The following SCAF1 variants were observed in gnomAD, a reference collection of about 807,000 sequenced individuals.
The protein encoded by SCAF1 is SR-related CTD associated factor 1.
SCAF1 carries 28 observed loss-of-function variants against 91.2 expected under a neutral mutation model. The observed-to-expected ratio is 0.31, with a 90% CI of 0.23 to 0.42. The LOEUF (loss-of-function observed/expected upper bound fraction) is 0.42, where lower values mean the gene tolerates loss of function less well. SCAF1 is among the 10% of genes least tolerant of loss of function. SCAF1 has a pLI of 1.00. For missense variants in SCAF1, 1,893 were observed against 1,872.1 expected, an observed-to-expected ratio of 1.01 and a Z score of -0.21; for synonymous variants, 1,036 against 833.7, an observed-to-expected ratio of 1.24 and a Z score of -4.18.
Position 49,646,283 on chromosome 19 carries a change from G to T in SCAF1, c.261+81G>T. 2 of 1,209,916 alleles carry T rather than the reference G, an allele frequency of 1.7e-6. No individual in the cohort carries two copies. The highest frequency in any genetic ancestry group is 2.3e-6 in the Non-Finnish European group (2 of 862,628). The allele number at this position is 1,209,916 out of a possible 1,614,324, so 74.9% of individuals were successfully genotyped here. On this transcript the variant is annotated intron_variant, in intron 4 of 10. Transcript: ENST00000360565. This position sits in a 1 kb window ranked among gnomAD's most constrained non-coding sequence, Gnocchi z 5.6. ...TGGGGGCCTGAGTCTGGGGGAATGG[G>T]GTTTGGGGACCTGGACTCCTGGCTC...
chr19:49,646,438 G>A lies in SCAF1; in HGVS notation c.262-88G>A. 1 of 1,184,944 alleles carries A rather than the reference G, an allele frequency of 8.4e-7. No individual in the cohort carries two copies. The highest frequency in any genetic ancestry group is 1.7e-5 in the Admixed American group (1 of 57,244). The allele number at this position is 1,184,944 out of a possible 1,614,324, so 73.4% of individuals were successfully genotyped here. ...TTTCTTGGGGATCTTAGATGTCTGGGTTCCTGAGAGGTTAGGGAGTGGGGA... is the reference window on the plus strand; with the variant it reads ...TTTCTTGGGGATCTTAGATGTCTGGATTCCTGAGAGGTTAGGGAGTGGGGA... On this transcript the variant is annotated intron_variant, in intron 4 of 10. Coordinates refer to ENST00000360565, the MANE Select transcript of SCAF1 (RefSeq NM_021228.3). This position sits in a 1 kb window ranked among gnomAD's most constrained non-coding sequence, Gnocchi z 5.6.
chr19:49,642,523 C>A lies in SCAF1; in HGVS notation c.-7+281C>A. The A allele has an allele frequency of 6.6e-6, 1 of 152,386 alleles. No individual in the cohort carries two copies. Among genetic ancestry groups the A allele is most frequent in the East Asian group, 1.9e-4 (1 of 5,176 alleles). The allele number at this position is 152,386 out of a possible 1,614,324, so 9.4% of individuals were successfully genotyped here. On this transcript the variant is annotated intron_variant, in intron 1 of 10. Coordinates refer to ENST00000360565, the MANE Select transcript of SCAF1 (RefSeq NM_021228.3). The surrounding 1 kb of genome is among the most constrained non-coding windows in gnomAD (Gnocchi z 4.0). ...GCCTAGACCGAGCCTAAGGCCTGCC[C>A]TCCATCACACAGCTGGCCTGGATCG...
In SCAF1 at chr19:49,652,470, C is replaced by T. The variant is rs1459046817; in HGVS notation, c.2081C>T (p.Thr694Met). 1.3e-6 allele frequency: 2 copies of T among 1,598,534 alleles called. No homozygotes were observed. Among genetic ancestry groups the T allele is most frequent in the Non-Finnish European group, 8.5e-7 (1 of 1,175,582 alleles). The stretch of plus-strand genomic sequence containing the variant: ...GTGCCACCCTCCATCCAGGACCTCA[C>T]GGACCACGACCTCTTCGCCATCAAG... ...GAVPPSIQDL[T>M]DHDLFAIKRT... Residue 694 changes from threonine to methionine, a missense_variant, in exon 7 of 11, where the codon ACG (threonine) becomes ATG (methionine). Physicochemically the swap from Thr to Met is moderately conservative, Grantham distance 81. Around this residue, in one of 5 missense-constraint regions of SCAF1, gnomAD observed 1,436 missense variants for 1,306.8 expected, o/e 1.10. Transcript: ENST00000360565.
Position 49,651,602 on chromosome 19 carries a change from C to A in SCAF1, c.1213C>A (p.Leu405Met). The A allele has an allele frequency of 6.6e-7, 1 of 1,523,640 alleles. No homozygotes were observed. The highest frequency in any genetic ancestry group is 8.8e-7 in the Non-Finnish European group (1 of 1,136,362). The allele number at this position is 1,523,640 out of a possible 1,614,324, so 94.4% of individuals were successfully genotyped here. ...CGTCCAGCCGGAGGAGGAGCCCAGGCTGGCGCTGTCCCTCTTCCGCCCCGG... is the reference window on the plus strand; with the variant it reads ...CGTCCAGCCGGAGGAGGAGCCCAGGATGGCGCTGTCCCTCTTCCGCCCCGG... ...EIVQPEEEPR[L>M]ALSLFRPGGR... The change falls in exon 7 of 11, where the codon CTG becomes ATG. Residue 405 changes from leucine (L) to methionine (M), a missense_variant. Physicochemically the swap from Leu to Met is conservative, Grantham distance 15. This residue lies in a region of SCAF1 where 1,436 missense variants were observed against 1,306.8 expected (regional missense o/e 1.10). Transcript: ENST00000360565.
chr19:49,640,507 T>C (rs534094946), upstream of SCAF1, among the ~76,000 whole-genome samples: 12 of 152,190 alleles, frequency 7.9e-5, no homozygotes, highest in African/African-American at 2.6e-4. Context: ...TGGGGCATCG[T>C]CTCCGAGGCC....
rs750562913 is a variant in SCAF1 at position 49,646,498 on chromosome 19, G to A, written c.262-28G>A. Reference sequence around the variant, plus strand: ...TGCCAGTCTTCATGTGACCAGGGACGGCGTAGAGCCTCTCTGGCCTCTTCC... The same window carrying A: ...TGCCAGTCTTCATGTGACCAGGGACAGCGTAGAGCCTCTCTGGCCTCTTCC... On this transcript the variant is annotated intron_variant, in intron 4 of 10. Transcript: ENST00000360565. The surrounding 1 kb of genome is among the most constrained non-coding windows in gnomAD (Gnocchi z 5.6). The A allele has an allele frequency of 6.3e-6, 10 of 1,594,626 alleles. No homozygotes were observed. The highest frequency in any genetic ancestry group is 1.7e-4 in the Middle Eastern group (1 of 6,042).
chr19:49,641,596 C>G (rs1245144505), upstream of SCAF1, among the ~76,000 whole-genome samples: 1 of 152,176 alleles, frequency 6.6e-6, no homozygotes, highest in Admixed American at 6.5e-5. Flanking sequence ...GGATTACAGA[C>G]GTGAGCCACC....
At position 49,653,116 on chromosome 19, in the gene SCAF1, G is replaced by T. The variant is rs1431933520; in HGVS notation, c.2727G>T (p.Lys909Asn). 1.9e-6 allele frequency: 3 copies of T among 1,611,824 alleles called. No homozygotes were observed. The Admixed American group carries it at 5.0e-5, about 27-fold the overall frequency. The part of the protein sequence containing the change: ...KTKVKAKAGA[K>N]KTKGTKGKTK... ...AGGTCAAGGCCAAGGCAGGGGCCAA[G>T]AAAACCAAGGGGACCAAGGGAAAGA... Residue 909 changes from lysine to asparagine, a missense_variant, in exon 7 of 11, where the codon AAG becomes AAT. Transcript: ENST00000360565.
intron 7 of SCAF1, 137 bp from the exon 8 acceptor site, chr19:49,654,212 C>G: frequency 1.4e-6 from 1 of 708,398 alleles, no homozygotes; most frequent in Non-Finnish European, 2.4e-6. Flanking sequence ...CCCCCTTTTC[C>G]CAGTTCTGAG....
chr19:49,651,223 A>G lies in SCAF1; in HGVS notation c.834A>G (p.Glu278=), dbSNP rs139116619. The G allele has an allele frequency of 9.3e-4, 1,500 of 1,612,828 alleles. 7 individuals are homozygous for G. In the African/African-American group the frequency reaches 0.017, roughly 18 times the overall value. The change falls in exon 7 of 11, where the codon GAA becomes GAG. Residue 278 remains glutamate, a synonymous_variant. Transcript: ENST00000360565. Reference sequence around the variant, plus strand: ...AAGAGGAGGAGGAAGAGGAAGAAGAAGAGGAAGAGGAAGACGAGGAGGAGG... The same window carrying G: ...AAGAGGAGGAGGAAGAGGAAGAAGAGGAGGAAGAGGAAGACGAGGAGGAGG... ...EEEEEEEEEE[E]EEEEDEEEEE...
chr19:49,654,206 C>T (rs1475420914), intron 7 of SCAF1, 143 bp from the exon 8 acceptor site: 7 of 687,558 alleles, frequency 1.0e-5, no homozygotes, highest in Non-Finnish European at 1.7e-5. Flanking sequence ...CCAAGGCCCC[C>T]TTTTCCCAGT....
upstream of SCAF1, among the ~76,000 whole-genome samples, chr19:49,641,593 A>G (rs913218035): frequency 1.3e-5 from 2 of 152,214 alleles, no homozygotes; most frequent in Non-Finnish European, 2.9e-5. Flanking sequence ...CTGGGATTAC[A>G]GACGTGAGCC....
chr19:49,652,329 C>A lies in SCAF1; in HGVS notation c.1940C>A (p.Ser647Ter). The A allele has an allele frequency of 1.3e-6, 2 of 1,535,054 alleles. No homozygotes were observed. Among genetic ancestry groups the A allele is most frequent in the Non-Finnish European group, 1.7e-6 (2 of 1,143,242 alleles). ...GGGSKKKKKR[S>*]RSRGEKRSGD... ...GGCAGCAAGAAGAAGAAGAAGCGGT[C>A]GCGGTCCCGGGGTGAGAAGCGGTCT... The change falls in exon 7 of 11, where the codon TCG (serine) becomes TAG (stop). Residue 647 changes from serine to a stop codon, truncating the protein, a stop_gained. Transcript: ENST00000360565. LOFTEE classifies it high-confidence loss of function.
Position 49,658,372 on chromosome 19 carries a change from C to T in SCAF1, c.3912C>T (p.Gly1304=). The T allele has an allele frequency of 6.5e-7, 1 of 1,550,194 alleles. No homozygotes were observed. The highest frequency in any genetic ancestry group is 8.7e-7 in the Non-Finnish European group (1 of 1,150,284). The change falls in exon 11 of 11, where the codon GGC becomes GGT. Residue 1304 remains glycine (G), a synonymous_variant. Transcript: ENST00000360565. The stretch of plus-strand genomic sequence containing the variant: ...AGCCAGGGCCCCCAGACAAGGGTGG[C>T]CCGGGCCTGCCCCTGCCCCCTCTCT... ...PKEPGPPDKG[G]PGLPLPPL is the part of the protein sequence containing the mutation.
In SCAF1 at chr19:49,649,594, C is replaced by T. The variant is rs548208378; in HGVS notation, c.479-1274C>T. ...CACTGCAACCTCTGCCTCCTGGTTTCGAGTGATTCTTCTGCCTCAGCCTCC... is the reference window on the plus strand; with the variant it reads ...CACTGCAACCTCTGCCTCCTGGTTTTGAGTGATTCTTCTGCCTCAGCCTCC... On this transcript the variant is annotated intron_variant, in intron 6 of 10. Coordinates refer to ENST00000360565, the MANE Select transcript of SCAF1 (RefSeq NM_021228.3). Among the ~76,000 whole-genome samples the T allele has an allele frequency of 1.2e-3, 189 of 152,286 alleles. 3 individuals carry two copies. In the South Asian group the frequency reaches 0.015, roughly 12 times the overall value.
Position 49,652,109 on chromosome 19 carries a change from TCC to T in SCAF1, c.1722_1723del (p.Arg575LeufsTer77). On this transcript the variant is annotated frameshift_variant, in exon 7 of 11. Coordinates refer to ENST00000360565, the MANE Select transcript of SCAF1 (RefSeq NM_021228.3). LOFTEE classifies it high-confidence loss of function. ...CGCCTCGTCGTCCGCCCGCCGCCGC[TCC>T]CGCTCCCGCTCCCGCTCCCGCTCCA... ...SHASSSARRR[S>X]RSRSRSRSTR... 2.4e-5 allele frequency: 10 copies of T among 424,586 alleles called. No individual in the cohort carries two copies. Among genetic ancestry groups the T allele is most frequent in the Non-Finnish European group, 1.9e-5 (7 of 371,824 alleles). The allele number at this position is 424,586 out of a possible 1,614,324, so 26.3% of individuals were successfully genotyped here. A position where few individuals can be genotyped will look rare whatever the true frequency, so the allele number is the denominator to read the frequency against.
intron 10 of SCAF1, 81 bp downstream of exon 10, chr19:49,657,970 C>T (rs1296696995): frequency 8.5e-6 from 13 of 1,521,174 alleles, no homozygotes; most frequent in Admixed American, 4.0e-5. Context: ...CAGATGGACG[C>T]GGATGGGAGA....
rs2081090794 is a variant in SCAF1, at chr19:49,651,621, G to A, written c.1232G>A (p.Arg411His). Residue 411 changes from arginine to histidine, a missense_variant, in exon 7 of 11, where the codon CGC becomes CAC. Arg to His is a conservative substitution (Grantham distance 29, BLOSUM62 0). Around this residue, in one of 5 missense-constraint regions of SCAF1, gnomAD observed 1,436 missense variants for 1,306.8 expected, o/e 1.10. Transcript: ENST00000360565. Reference sequence around the variant, plus strand: ...CCCAGGCTGGCGCTGTCCCTCTTCCGCCCCGGCGGCCGGGCCGCCCGGCCT... The same window carrying A: ...CCCAGGCTGGCGCTGTCCCTCTTCCACCCCGGCGGCCGGGCCGCCCGGCCT... ...EEPRLALSLF[R>H]PGGRAARPTP... is the part of the protein sequence containing the mutation. 1.4e-6 allele frequency: 2 copies of A among 1,460,798 alleles called. No individual in the cohort carries two copies. The highest frequency in any genetic ancestry group is 1.4e-5 in the South Asian group (1 of 72,216). The allele number at this position is 1,460,798 out of a possible 1,614,324, so 90.5% of individuals were successfully genotyped here. A position where few individuals can be genotyped will look rare whatever the true frequency, so the allele number is the denominator to read the frequency against.
chr19:49,644,030 A>G (rs1429956836), intron 1 of SCAF1, among the ~76,000 whole-genome samples: 1 of 152,178 alleles, frequency 6.6e-6, no homozygotes, highest in East Asian at 1.9e-4. Context: ...TGAGCACTTG[A>G]GGTGCTCTAA....
Sources: gnomAD v4.1 joint callset for allele counts (sites outside exome capture counted in the v4.1 genomes callset) on GRCh38, gnomAD v4.1.1 for gene constraint, gnomAD v4.1.1 regional missense constraint, Gnocchi (gnomAD v3.1) non-coding constraint, MANE v1.5 for transcripts, NCBI Gene and HGNC (gene_info 2026-07-23, HGNC 2026-07-21) for gene names.